WDPCP: variants seen among roughly 807,000 people sequenced by gnomAD.
The protein encoded by WDPCP is WD repeat containing planar cell polarity effector.
A neutral mutation model predicts 93.1 loss-of-function variants in WDPCP; 71 were observed. That is an observed-to-expected ratio of 0.76 (90% CI 0.63 to 0.93). The LOEUF (loss-of-function observed/expected upper bound fraction) is 0.93, where lower values mean the gene tolerates loss of function less well. Among genes scored for constraint, WDPCP ranks in the 40% least tolerant of loss-of-function variants. WDPCP has a pLI of 0.00. For synonymous variants in WDPCP, 315 were observed against 315.0 expected, an observed-to-expected ratio of 1.00 and a Z score of 0.00; for missense variants, 844 against 887.4, an observed-to-expected ratio of 0.95 and a Z score of 0.62.
intron 14 of WDPCP, among the ~76,000 whole-genome samples, chr2:63,217,513 T>C (rs1677455292): frequency 6.6e-6 from 1 of 152,238 alleles, no homozygotes; most frequent in South Asian, 2.1e-4. Flanking sequence ...ATCAAAGAAA[T>C]AATTGGTTTG....
chr2:63,211,994 T>C (rs1211041859), intron 14 of WDPCP, among the ~76,000 whole-genome samples: 2 of 152,188 alleles, frequency 1.3e-5, no homozygotes, highest in Non-Finnish European at 1.5e-5. Flanking sequence ...CTACGTCTGA[T>C]TGGTGTATCT....
At chr2:63,562,616 A>G (rs1262210233) in intron 1 of WDPCP, among the ~76,000 whole-genome samples, 1 of 152,252 alleles carries the variant, frequency 6.6e-6, no homozygotes, top group African/African-American at 2.4e-5. Context: ...ATAAATTATT[A>G]CTATGAGAAT....
At chr2:63,123,351 T>G (rs1396836082) in intron 17 of WDPCP, among the ~76,000 whole-genome samples, 1 of 152,124 alleles carries the variant, frequency 6.6e-6, no homozygotes, top group Non-Finnish European at 1.5e-5. Flanking sequence ...CTAGATATAC[T>G]TGTTGCTAGA....
At chr2:63,625,528 C>T (rs931058996) in intron 3 of WDPCP, among the ~76,000 whole-genome samples, 10 of 152,142 alleles carry the variant, frequency 6.6e-5, no homozygotes, top group Non-Finnish European at 7.3e-5. Flanking sequence ...TTCTTATACA[C>T]GGATAATAGA....
chr2:63,696,312 G>GA (rs11394401), intron 2 of WDPCP, among the ~76,000 whole-genome samples: 2 of 10,206 alleles, frequency 2.0e-4, no homozygotes, highest in Non-Finnish European at 6.0e-4. Context: ...ACCCCAGCAA[G>GA]TTTCTTCTTG....
chr2:63,674,575 G>T (rs746896408), intron 2 of WDPCP, among the ~76,000 whole-genome samples: 5 of 152,114 alleles, frequency 3.3e-5, no homozygotes, highest in Non-Finnish European at 7.4e-5. Flanking sequence ...TCTTCAATAT[G>T]TATAAAGTTT....
At chr2:63,543,512 A>C (rs1252563902) in intron 1 of WDPCP, among the ~76,000 whole-genome samples, 1 of 152,092 alleles carries the variant, frequency 6.6e-6, no homozygotes, top group African/African-American at 2.4e-5. Context: ...AAAATAACTT[A>C]AAAGGAAAAT....
intron 2 of WDPCP, among the ~76,000 whole-genome samples, chr2:63,737,383 C>G (rs150883403): frequency 2.0e-3 from 311 of 152,316 alleles, no homozygotes; most frequent in Non-Finnish European, 3.4e-3. Flanking sequence ...CCTTTAGTTT[C>G]TACTAGGTCT....
At chr2:63,139,036 C>CT (rs1477154354) in intron 17 of WDPCP, among the ~76,000 whole-genome samples, 1 of 152,058 alleles carries the variant, frequency 6.6e-6, no homozygotes, top group South Asian at 2.1e-4. Context: ...TAATTCACTC[C>CT]TTTTTATGGC....
chr2:63,672,409 A>G (rs1350014361), intron 2 of WDPCP, among the ~76,000 whole-genome samples: 1 of 152,230 alleles, frequency 6.6e-6, no homozygotes, highest in Non-Finnish European at 1.5e-5. Context: ...TGAACACAAT[A>G]AACATACTTG....
chr2:63,151,345 C>T (rs1196528468), intron 17 of WDPCP, among the ~76,000 whole-genome samples: 1 of 152,144 alleles, frequency 6.6e-6, no homozygotes, highest in African/African-American at 2.4e-5. Context: ...CCACCTTAGC[C>T]TCCTGAGTAG....
At chr2:63,205,168 T>C (rs1476269533) in intron 14 of WDPCP, among the ~76,000 whole-genome samples, 1 of 152,198 alleles carries the variant, frequency 6.6e-6, no homozygotes, top group Admixed American at 6.5e-5. Context: ...CGTGGATTTG[T>C]TTCTGGTTAG....
intron 17 of WDPCP, among the ~76,000 whole-genome samples, chr2:63,142,415 T>C (rs1671131592): frequency 6.6e-6 from 1 of 152,224 alleles, no homozygotes; most frequent in Admixed American, 6.5e-5. Context: ...CAGGAGGACG[T>C]TATTTAATTT....
intron 2 of WDPCP, among the ~76,000 whole-genome samples, chr2:63,710,281 G>A (rs1431663452): frequency 6.6e-6 from 1 of 152,084 alleles, no homozygotes; most frequent in Non-Finnish European, 1.5e-5. Context: ...TCCCCACCAG[G>A]GTGCCCAAGG....
chr2:63,802,281 TAA>T (rs58717654), intron 2 of WDPCP, among the ~76,000 whole-genome samples: 21 of 54,378 alleles, frequency 3.9e-4, no homozygotes, highest in South Asian at 1.3e-3. Context: ...CCCTCTCTCT[TAA>T]AAAAAAAAAA....
intron 2 of WDPCP, among the ~76,000 whole-genome samples, chr2:63,722,595 G>A (rs1202725564): frequency 9.8e-5 from 13 of 132,932 alleles, no homozygotes; most frequent in Middle Eastern, 4.5e-3. Context: ...CAGCCGCCCC[G>A]TCCGGGAGGG....
chr2:63,664,539 G>A (rs1443634267), intron 2 of WDPCP, among the ~76,000 whole-genome samples: 3 of 152,134 alleles, frequency 2.0e-5, no homozygotes, highest in African/African-American at 7.2e-5. Context: ...GTCTATGGTG[G>A]GTACAACTGA....
At chr2:63,409,189 G>A (rs998818371) in intron 9 of WDPCP, among the ~76,000 whole-genome samples, 4 of 152,130 alleles carry the variant, frequency 2.6e-5, no homozygotes, top group African/African-American at 9.7e-5. Context: ...TGGTATCCAC[G>A]GCTGAGAGAC....
chr2:63,589,064 G>T (rs150391434), upstream of WDPCP: 1,159 of 1,614,098 alleles, frequency 7.2e-4, 6 homozygotes, highest in African/African-American at 0.013. Context: ...TGGGCCCCGG[G>T]TTCCTGCCCA....
Sources: gnomAD v4.1 joint callset for allele counts (sites outside exome capture counted in the v4.1 genomes callset) on GRCh38, gnomAD v4.1.1 for gene constraint, MANE v1.5 for transcripts, NCBI Gene and HGNC (gene_info 2026-07-23, HGNC 2026-07-21) for gene names.